Variants in EDIL3 observed in about 807,000 individuals in gnomAD.
EDIL3 encodes the protein EGF like and discoidin domains 3.
Under a neutral mutation model 67.4 loss-of-function variants are expected in EDIL3, and 37 were observed. The ratio of observed to expected loss-of-function variants is 0.55; its 90% confidence interval spans 0.42 to 0.72. The LOEUF (loss-of-function observed/expected upper bound fraction) is 0.72, where lower values mean the gene tolerates loss of function less well. Ranked by LOEUF, EDIL3 falls within the 30% of genes least tolerant of loss-of-function variation. EDIL3 has a pLI of 0.00. For missense variants in EDIL3, 527 were observed against 586.3 expected (o/e 0.90, Z 1.04); for synonymous variants, 195 against 196.3 (o/e 0.99, Z 0.05).
intron 6 of EDIL3, among the ~76,000 whole-genome samples, chr5:84,099,094 T>C (rs946068125): frequency 6.6e-6 from 1 of 152,038 alleles, no homozygotes; most frequent in Non-Finnish European, 1.5e-5. Context: ...CTCAAGGAAA[T>C]AACAGAGGAC....
At chr5:84,229,942 GGGGGA>G in intron 2 of EDIL3, 58 bp from the exon 3 acceptor site, 1 of 1,417,444 alleles carries the variant, frequency 7.1e-7, no homozygotes, top group South Asian at 1.3e-5. Context: ...GAGGGAGAAG[GGGGGA>G]GAGAGAAAGA....
intron 9 of EDIL3, among the ~76,000 whole-genome samples, chr5:84,014,986 T>C (rs930701095): frequency 5.9e-5 from 9 of 152,180 alleles, no homozygotes; most frequent in Non-Finnish European, 1.2e-4. Flanking sequence ...GTGATCTCTC[T>C]ACTATAGATC....
At chr5:84,071,453 A>G (rs1455193646) in intron 6 of EDIL3, among the ~76,000 whole-genome samples, 1 of 152,236 alleles carries the variant, frequency 6.6e-6, no homozygotes, top group Non-Finnish European at 1.5e-5. Context: ...AAATCCCTGA[A>G]AAGACGAAGA....
At chr5:84,088,148 G>A (rs1747104129) in intron 6 of EDIL3, among the ~76,000 whole-genome samples, 1 of 152,120 alleles carries the variant, frequency 6.6e-6, no homozygotes, top group South Asian at 2.1e-4. Context: ...GCCCACATGG[G>A]CAGAGAAAAC....
At chr5:84,169,105 G>A (rs1748764457) in intron 4 of EDIL3, among the ~76,000 whole-genome samples, 1 of 151,868 alleles carries the variant, frequency 6.6e-6, no homozygotes, top group Non-Finnish European at 1.5e-5. Flanking sequence ...GTAGGAGCAA[G>A]CTTCTTTGGC....
Position 84,137,560 on chromosome 5 carries a change from T to A in EDIL3, c.356-206A>T, listed in dbSNP as rs185841527. Among the ~76,000 whole-genome samples, 6 of 152,250 alleles carry A rather than the reference T, an allele frequency of 3.9e-5. No homozygotes were observed. In the East Asian group the frequency reaches 1.2e-3, roughly 29 times the overall value. On this transcript the variant is annotated intron_variant, in intron 4 of 10. Coordinates refer to ENST00000296591, the MANE Select transcript of EDIL3 (RefSeq NM_005711.5). ...TATATTTAATCAATTTCAAATAAAA[T>A]TCAGAATACAGACGAAAGGCCAATG...
At chr5:84,059,593 C>T (rs2112234506) in intron 9 of EDIL3, among the ~76,000 whole-genome samples, 1 of 152,236 alleles carries the variant, frequency 6.6e-6, no homozygotes, top group Non-Finnish European at 1.5e-5. Context: ...ATGAATACAG[C>T]ATAAAAATCA....
chr5:83,946,270 A>G (rs1744306349), intron 10 of EDIL3, among the ~76,000 whole-genome samples: 1 of 151,984 alleles, frequency 6.6e-6, no homozygotes, highest in Non-Finnish European at 1.5e-5. Context: ...TAGAAAAACT[A>G]TGCACAAGTT....
chr5:84,140,275 G>A (rs1748166992), intron 4 of EDIL3, among the ~76,000 whole-genome samples: 2 of 152,120 alleles, frequency 1.3e-5, no homozygotes, highest in Non-Finnish European at 2.9e-5. Flanking sequence ...TATATCATGA[G>A]TAAAATCAAA....
At chr5:83,986,191 T>C (rs769018161) in intron 9 of EDIL3, among the ~76,000 whole-genome samples, 2 of 152,088 alleles carry the variant, frequency 1.3e-5, no homozygotes, top group Non-Finnish European at 2.9e-5. Context: ...AAGCAATAGC[T>C]AGTTTAAAAG....
intron 4 of EDIL3, among the ~76,000 whole-genome samples, chr5:84,139,762 A>G (rs1321888874): frequency 6.6e-6 from 1 of 152,226 alleles, no homozygotes; most frequent in Non-Finnish European, 1.5e-5. Context: ...AAGGACCCAC[A>G]TAAGCAAAAG....
chr5:83,943,328 A>G lies in EDIL3; in HGVS notation c.*91T>C. The G allele has an allele frequency of 1.3e-6, 2 of 1,508,700 alleles. No individual in the cohort carries two copies. Among genetic ancestry groups the G allele is most frequent in the South Asian group, 1.2e-5 (1 of 80,484 alleles). The allele number at this position is 1,508,700 out of a possible 1,614,324, so 93.5% of individuals were successfully genotyped here. On this transcript the variant is annotated 3_prime_UTR_variant, in exon 11 of 11. Transcript: ENST00000296591. ...ACTTTTTCATGAAAAAAAAAAAAAA[A>G]CCATTCAGTTTCCTACAGATTTTGC...
intron 1 of EDIL3, among the ~76,000 whole-genome samples, chr5:84,368,612 G>T (rs1055072287): frequency 8.6e-5 from 13 of 151,790 alleles, no homozygotes; most frequent in Admixed American, 1.3e-4. Context: ...GGCAACAAAA[G>T]AAAAAATAAG....
intron 1 of EDIL3, among the ~76,000 whole-genome samples, chr5:84,277,358 C>T (rs748587190): frequency 6.6e-6 from 1 of 152,112 alleles, no homozygotes; most frequent in African/African-American, 2.4e-5. Context: ...TCTGCGGACA[C>T]CTTGATCTTG....
chr5:84,204,804 T>TAAA (rs11322668), intron 3 of EDIL3, among the ~76,000 whole-genome samples: 26 of 138,394 alleles, frequency 1.9e-4, no homozygotes, highest in South Asian at 6.9e-4. Context: ...GGCCAATATT[T>TAAA]AAAAAAAAAA....
intron 9 of EDIL3, among the ~76,000 whole-genome samples, chr5:84,020,076 C>CAAAAAAA (rs9293362): frequency 1.1e-4 from 14 of 128,310 alleles, no homozygotes; most frequent in Admixed American, 2.5e-4. Context: ...ATCTTTTGTA[C>CAAAAAAA]AAAAAAAAAA....
intron 9 of EDIL3, among the ~76,000 whole-genome samples, chr5:84,053,590 G>T (rs1746382717): frequency 6.6e-6 from 1 of 151,474 alleles, no homozygotes; most frequent in African/African-American, 2.4e-5. Context: ...AAAGAGAGAA[G>T]AATCAAATAG....
intron 5 of EDIL3, among the ~76,000 whole-genome samples, chr5:84,122,452 G>A (rs945027309): frequency 1.3e-5 from 2 of 151,912 alleles, no homozygotes; most frequent in African/African-American, 4.8e-5. Flanking sequence ...ATGTTGGTGT[G>A]CTGCACCCAT....
At chr5:84,243,076 T>A (rs1173049848) in intron 2 of EDIL3, among the ~76,000 whole-genome samples, 2 of 102,630 alleles carry the variant, frequency 1.9e-5, no homozygotes, top group African/African-American at 6.6e-5. Context: ...ATTTTATGTG[T>A]GTGTGTGTGT....
Sources: gnomAD v4.1 joint callset for allele counts (sites outside exome capture counted in the v4.1 genomes callset) on GRCh38, gnomAD v4.1.1 for gene constraint, MANE v1.5 for transcripts, NCBI Gene and HGNC (gene_info 2026-07-23, HGNC 2026-07-21) for gene names.